Variants in PIK3CA observed in about 807,000 individuals in gnomAD.
PIK3CA encodes phosphatidylinositol-4,5-bisphosphate 3-kinase catalytic subunit alpha.
A neutral mutation model predicts 138.2 loss-of-function variants in PIK3CA; 27 were observed. That is an observed-to-expected ratio of 0.20 (90% confidence interval 0.14 to 0.27). The LOEUF (loss-of-function observed/expected upper bound fraction) is 0.27, where lower values mean the gene tolerates loss of function less well. Ranked by LOEUF, PIK3CA falls within the 10% of genes least tolerant of loss-of-function variation. PIK3CA has a pLI of 1.00. For missense variants in PIK3CA, 544 were observed against 1,277.4 expected, an observed-to-expected ratio of 0.43 and a Z score of 8.75; for synonymous variants, 358 against 413.2, an observed-to-expected ratio of 0.87 and a Z score of 1.62.
At chr3:179,168,289 A>G (rs1723467977) in intron 1 of PIK3CA, among the ~76,000 whole-genome samples, 1 of 152,206 alleles carries the variant, frequency 6.6e-6, no homozygotes. Context: ...TTTGCTGAGT[A>G]TAGAATTCCT....
intron 17 of PIK3CA, among the ~76,000 whole-genome samples, chr3:179,228,205 G>A (rs1293057161): frequency 6.6e-6 from 1 of 151,924 alleles, no homozygotes; most frequent in Admixed American, 6.6e-5. Context: ...ATCTGCCGCT[G>A]AACCTAATAG....
intron 1 of PIK3CA, among the ~76,000 whole-genome samples, chr3:179,179,611 C>G (rs1238076351): frequency 6.6e-6 from 1 of 152,096 alleles, no homozygotes; most frequent in Non-Finnish European, 1.5e-5. Context: ...CAAAAGTCAT[C>G]AAACTTAATG....
chr3:179,204,639 A>T, intron 6 of PIK3CA, 51 bp downstream of exon 6: 1 of 898,378 alleles, frequency 1.1e-6, no homozygotes, highest in Non-Finnish European at 1.8e-6. Context: ...AGTGTTTAGC[A>T]GTATGATCCA....
In PIK3CA at chr3:179,237,754, T is replaced by G. The variant is rs936914503; in HGVS notation, c.*3390T>G. ...TTCTTAATGATGTAAATCCGTTTAA[T>G]TCATACTTTGATCAATAGCCCATGC... On this transcript the variant is annotated 3_prime_UTR_variant, in exon 21 of 21. Transcript: ENST00000263967. The G allele has an allele frequency of 4.7e-6, 1 of 211,452 alleles. No individual in the cohort carries two copies. Among genetic ancestry groups the G allele is most frequent in the East Asian group, 7.1e-5 (1 of 14,176 alleles). 13.1% of individuals were successfully genotyped at this position (211,452 alleles called of 1,614,324 possible).
chr3:179,230,140 T>G lies in PIK3CA; in HGVS notation c.2784+19T>G. The G allele has an allele frequency of 6.3e-7, 1 of 1,585,428 alleles. No individual in the cohort carries two copies. The highest frequency in any genetic ancestry group is 2.2e-5 in the East Asian group (1 of 44,714). ...TGGACAAGTAATGGTTTTCTCTGTT[T>G]AAAATGTTTTGGTGTTCTTAATTTA... On this transcript the variant is annotated intron_variant, in intron 19 of 20. Coordinates refer to ENST00000263967, the MANE Select transcript of PIK3CA (RefSeq NM_006218.4). The surrounding 1 kb of genome is among the most constrained non-coding windows in gnomAD (Gnocchi z 5.4).
chr3:179,161,942 A>G (rs3960984), intron 1 of PIK3CA, among the ~76,000 whole-genome samples: 36,698 of 152,028 alleles, frequency 0.24, 5,451 homozygotes, highest in African/African-American at 0.41. Context: ...TGTTTATTCA[A>G]TATACCCTAT....
Position 179,219,821 on chromosome 3 carries a change from T to A in PIK3CA, c.1911+86T>A. 1.4e-6 allele frequency: 2 copies of A among 1,438,274 alleles called. No homozygotes were observed. The highest frequency in any genetic ancestry group is 2.6e-5 in the South Asian group (2 of 78,090). 89.1% of individuals were successfully genotyped at this position (1,438,274 alleles called of 1,614,324 possible). On this transcript the variant is annotated intron_variant, in intron 12 of 20. Coordinates refer to ENST00000263967, the MANE Select transcript of PIK3CA (RefSeq NM_006218.4). This position sits in a 1 kb window ranked among gnomAD's most constrained non-coding sequence, Gnocchi z 4.2. ...TACAACTTCCTTTTAAAAAACCTACTGCACTAACTAGTTTTATGCTTAAAA... is the reference window on the plus strand; with the variant it reads ...TACAACTTCCTTTTAAAAAACCTACAGCACTAACTAGTTTTATGCTTAAAA...
At chr3:179,222,673 A>G (rs1724995651) in intron 14 of PIK3CA, among the ~76,000 whole-genome samples, 1 of 152,212 alleles carries the variant, frequency 6.6e-6, no homozygotes, top group Non-Finnish European at 1.5e-5. Flanking sequence ...TGCATGGCTG[A>G]CTGGGAGCTG....
At chr3:179,212,808 T>C (rs540338473) in intron 9 of PIK3CA, among the ~76,000 whole-genome samples, 1 of 152,302 alleles carries the variant, frequency 6.6e-6, no homozygotes, top group East Asian at 1.9e-4. Context: ...TTCTCTTCCT[T>C]ATGATTTTCT....
intron 1 of PIK3CA, among the ~76,000 whole-genome samples, chr3:179,183,410 C>T (rs569520867): frequency 2.0e-5 from 3 of 152,098 alleles, no homozygotes; most frequent in African/African-American, 2.4e-5. Flanking sequence ...CAATATCTTA[C>T]GTTCATTAGA....
chr3:179,210,729 C>T (rs766199417), intron 9 of PIK3CA, among the ~76,000 whole-genome samples, 164 bp downstream of exon 9: 12 of 152,226 alleles, frequency 7.9e-5, no homozygotes, highest in Admixed American at 7.8e-4. Context: ...AATATTTTTA[C>T]TGCACCTCTG....
chr3:179,175,447 G>C (rs1366025193), intron 1 of PIK3CA, among the ~76,000 whole-genome samples: 2 of 151,924 alleles, frequency 1.3e-5, no homozygotes, highest in Non-Finnish European at 2.9e-5. Flanking sequence ...TGGTACCTTG[G>C]TGTGCATCGT....
intron 1 of PIK3CA, among the ~76,000 whole-genome samples, chr3:179,192,077 A>G (rs1478401704): frequency 6.6e-6 from 1 of 152,256 alleles, no homozygotes; most frequent in East Asian, 1.9e-4. Flanking sequence ...CTGGTAATCC[A>G]TAGTCAAGTA....
intron 1 of PIK3CA, among the ~76,000 whole-genome samples, chr3:179,157,246 A>G (rs1723160332): frequency 1.3e-5 from 2 of 152,162 alleles, no homozygotes; most frequent in South Asian, 4.1e-4. Flanking sequence ...GGCTACTATT[A>G]TTTGCAGTTG....
chr3:179,223,995 G>T (rs1444700145), intron 14 of PIK3CA, 86 bp from the exon 15 acceptor site: 1 of 739,460 alleles, frequency 1.4e-6, no homozygotes, highest in Non-Finnish European at 2.4e-6. Context: ...CAGTACTGAG[G>T]TTCTCATGTG....
At chr3:179,195,838 A>T (rs1724253506) in intron 1 of PIK3CA, among the ~76,000 whole-genome samples, 1 of 152,164 alleles carries the variant, frequency 6.6e-6, no homozygotes, top group Non-Finnish European at 1.5e-5. Flanking sequence ...AGCAAATGTT[A>T]GTTCCATTTG....
chr3:179,173,761 T>G (rs1186657175), intron 1 of PIK3CA, among the ~76,000 whole-genome samples: 3 of 152,220 alleles, frequency 2.0e-5, no homozygotes, highest in African/African-American at 7.2e-5. Context: ...AGTTTCACTC[T>G]TGTTGCCCAG....
intron 1 of PIK3CA, among the ~76,000 whole-genome samples, chr3:179,155,661 T>C (rs1289113446): frequency 1.3e-5 from 2 of 152,226 alleles, no homozygotes; most frequent in African/African-American, 2.4e-5. Context: ...ATGCATCTGC[T>C]ACCCCATTTT....
At position 179,220,964 on chromosome 3, in the gene PIK3CA, T is replaced by A. The variant is rs1724952198; in HGVS notation, c.2016-22T>A. The A allele has an allele frequency of 1.3e-6, 2 of 1,551,802 alleles. No individual in the cohort carries two copies. Among genetic ancestry groups the A allele is most frequent in the Non-Finnish European group, 1.7e-6 (2 of 1,146,526 alleles). ...ATTTAAGACTATATATATATATTTT[T>A]AATTTTGCACGATTCTTTTAGATCT... On this transcript the variant is annotated intron_variant, in intron 13 of 20. Coordinates refer to ENST00000263967, the MANE Select transcript of PIK3CA (RefSeq NM_006218.4). This position sits in a 1 kb window ranked among gnomAD's most constrained non-coding sequence, Gnocchi z 4.1.
Sources: gnomAD v4.1 joint callset for allele counts (sites outside exome capture counted in the v4.1 genomes callset) on GRCh38, gnomAD v4.1.1 for gene constraint, Gnocchi (gnomAD v3.1) non-coding constraint, MANE v1.5 for transcripts, NCBI Gene and HGNC (gene_info 2026-07-23, HGNC 2026-07-21) for gene names.